ELAVL2: variants seen among roughly 807,000 people sequenced by gnomAD.
ELAVL2 encodes ELAV like RNA binding protein 2, also known as ELAV-like protein 2.
In ELAVL2, 4 loss-of-function variants were observed where a neutral mutation model predicts 34.6. The observed-to-expected ratio is 0.12, with a 90% CI of 0.06 to 0.26. The LOEUF is 0.26. Among genes scored for constraint, ELAVL2 ranks in the 10% least tolerant of loss-of-function variants. The probability of loss-of-function intolerance (pLI) is 1.00; values close to 1 mark genes in which losing one functional copy is unlikely to be tolerated. For missense variants in ELAVL2, 432 were observed against 442.8 expected (o/e 0.98, Z 0.22); for synonymous variants, 193 against 154.8 (o/e 1.25, Z -1.83).
chr9:23,845,930 T>C, the ELAVL2 span, among the ~76,000 whole-genome samples: 1 of 151,872 alleles, frequency 6.6e-6, no homozygotes, highest in African/African-American at 2.4e-5. Context: ...ATTGAGCAGT[T>C]TTCTGTTGAA....
intron 2 of ELAVL2, among the ~76,000 whole-genome samples, chr9:23,738,165 C>A (rs556615357): frequency 6.6e-6 from 1 of 152,334 alleles, no homozygotes; most frequent in East Asian, 1.9e-4. Context: ...TCGCACCAGA[C>A]TTCACAAAGG....
rs2033285497 is a variant in ELAVL2, at chr9:23,691,858, AC to A, written c.*698del. The A allele has an allele frequency of 6.6e-6, 1 of 152,538 alleles. No individual in the cohort carries two copies. Among genetic ancestry groups the A allele is most frequent in the African/African-American group, 2.4e-5 (1 of 41,416 alleles). The allele number at this position is 152,538 out of a possible 1,614,324, so 9.4% of individuals were successfully genotyped here. A position where few individuals can be genotyped will look rare whatever the true frequency, so the allele number is the denominator to read the frequency against. ...TTCAAGTCAAAATATTTGTTCCAGG[AC>A]CAGTAAAAAGTTTCTCCAAATTTTC... On this transcript the variant is annotated 3_prime_UTR_variant, in exon 7 of 7. Transcript: ENST00000397312.
chr9:23,783,381 C>G, intron 1 of ELAVL2: 1 of 943,490 alleles, frequency 1.1e-6, no homozygotes, highest in Non-Finnish European at 1.3e-6. Flanking sequence ...CAAGGAAAAC[C>G]GAAAGTTAAA....
chr9:23,785,735 A>G (rs1263522932), intron 1 of ELAVL2, among the ~76,000 whole-genome samples: 1 of 152,192 alleles, frequency 6.6e-6, no homozygotes, highest in Non-Finnish European at 1.5e-5. Context: ...GTAAACAGGT[A>G]TTTCCAAAGC....
chr9:23,701,174 T>C (rs2037070891), intron 5 of ELAVL2, among the ~76,000 whole-genome samples: 1 of 152,192 alleles, frequency 6.6e-6, no homozygotes, highest in South Asian at 2.1e-4. Context: ...TTACTGTCCT[T>C]TGGTCCCCAC....
At position 23,691,407 on chromosome 9, in the gene ELAVL2, T is replaced by A. The variant is rs937590164; in HGVS notation, c.*1150A>T. The stretch of plus-strand genomic sequence containing the variant: ...TGCTGATTTGCTGCAGTACAAATCA[T>A]GTGCAACGTCTTTTTTCCTTAAGAC... On this transcript the variant is annotated 3_prime_UTR_variant, in exon 7 of 7. Coordinates refer to ENST00000397312, the MANE Select transcript of ELAVL2 (RefSeq NM_004432.5). 2 of 152,576 alleles carry A rather than the reference T, an allele frequency of 1.3e-5. No individual in the cohort carries two copies. The highest frequency in any genetic ancestry group is 2.9e-5 in the Non-Finnish European group (2 of 68,004). The allele number at this position is 152,576 out of a possible 1,614,324, so 9.5% of individuals were successfully genotyped here.
the ELAVL2 span, among the ~76,000 whole-genome samples, chr9:23,840,993 A>G: frequency 6.6e-6 from 1 of 152,168 alleles, no homozygotes; most frequent in Non-Finnish European, 1.5e-5. Flanking sequence ...ATGATTGTCT[A>G]ACAGAAACAC....
In ELAVL2 at chr9:23,705,007, G is replaced by A. The variant is rs778744173; in HGVS notation, c.398C>T (p.Pro133Leu). The change falls in exon 4 of 7, where the codon CCA (proline) becomes CTA (leucine). Residue 133 changes from proline to leucine, a missense_variant. By Grantham distance (98) the Pro-to-Leu change is moderately conservative (BLOSUM62 -3). Coordinates refer to ENST00000397312, the MANE Select transcript of ELAVL2 (RefSeq NM_004432.5). Reference sequence around the variant, plus strand: ...CAACTCCTTCTGGGTCATTGTTTTTGGAAGTCCGCTGACATATAAATTTGC... The same window carrying A: ...CAACTCCTTCTGGGTCATTGTTTTTAGAAGTCCGCTGACATATAAATTTGC... ...RDANLYVSGLPKTMTQKELEQ... is the reference protein window; with the variant it reads ...RDANLYVSGLLKTMTQKELEQ... 3 of 1,613,966 alleles carry A rather than the reference G, an allele frequency of 1.9e-6. No homozygotes were observed. Among genetic ancestry groups the A allele is most frequent in the African/African-American group, 1.3e-5 (1 of 74,904 alleles).
rs569610963 is a variant in ELAVL2 at position 23,812,371 on chromosome 9, A to G, written c.-16+13435T>C. Among the ~76,000 whole-genome samples, 6 of 152,290 alleles carry G rather than the reference A, an allele frequency of 3.9e-5. No individual in the cohort carries two copies. In the South Asian group the frequency reaches 1.2e-3, roughly 32 times the overall value. On this transcript the variant is annotated intron_variant, in intron 1 of 6. Transcript: ENST00000397312. ...ATTAGATTAATTTGGAAAAGCCCTAAGCTTCAAGTTAACTAGCAGCCCACA... is the reference window on the plus strand; with the variant it reads ...ATTAGATTAATTTGGAAAAGCCCTAGGCTTCAAGTTAACTAGCAGCCCACA...
rs1204163342 is a variant in ELAVL2 at position 23,800,907 on chromosome 9, T to C, written c.-16+24899A>G. Among the ~76,000 whole-genome samples, 10 of 152,204 alleles carry C rather than the reference T, an allele frequency of 6.6e-5. No homozygotes were observed. The East Asian group carries it at 1.6e-3, about 24-fold the overall frequency. On this transcript the variant is annotated intron_variant, in intron 1 of 6. Transcript: ENST00000397312. ...CATTAAACAGAAGCCACAGGAAAAC[T>C]GGCATTAACATTTCCTTCCTGCTTG...
chr9:23,819,874 C>A (rs2064285594), intron 1 of ELAVL2, among the ~76,000 whole-genome samples: 1 of 152,162 alleles, frequency 6.6e-6, no homozygotes. Context: ...TTTCTCTCCC[C>A]ATAGTTTGCA....
rs531690541 is a variant in ELAVL2, at chr9:23,744,299, G to C, written c.230-13174C>G. On this transcript the variant is annotated intron_variant, in intron 2 of 6. Coordinates refer to ENST00000397312, the MANE Select transcript of ELAVL2 (RefSeq NM_004432.5). ...ATGTAGAATGCCATACAAAATGTTA[G>C]GTATTCAATTACAAGTACACCACTC... 1.2e-4 allele frequency among the ~76,000 whole-genome samples: 19 copies of C among 152,200 alleles called. No individual in the cohort carries two copies. The South Asian group carries it at 3.9e-3, about 32-fold the overall frequency.
At chr9:23,741,783 C>T (rs954445017) in intron 2 of ELAVL2, among the ~76,000 whole-genome samples, 2 of 149,686 alleles carry the variant, frequency 1.3e-5, no homozygotes, top group Non-Finnish European at 3.0e-5. Context: ...TACCTTTCTC[C>T]CTTTGAAAGC....
chr9:23,747,647 A>G (rs2050832469), intron 2 of ELAVL2, among the ~76,000 whole-genome samples: 1 of 152,176 alleles, frequency 6.6e-6, no homozygotes, highest in African/African-American at 2.4e-5. Flanking sequence ...TACAAACATG[A>G]GTGCAAAGTA....
At chr9:23,786,000 G>A (rs1387876524) in intron 1 of ELAVL2, among the ~76,000 whole-genome samples, 3 of 151,996 alleles carry the variant, frequency 2.0e-5, no homozygotes, top group African/African-American at 7.2e-5. Context: ...CAGCCTGACT[G>A]GTCTTCACTG....
At chr9:23,802,960 TAACA>T (rs962145868) in intron 1 of ELAVL2, among the ~76,000 whole-genome samples, 8 of 151,982 alleles carry the variant, frequency 5.3e-5, no homozygotes, top group Non-Finnish European at 1.0e-4. Flanking sequence ...TTTATACACA[TAACA>T]AACAAAAGGT....
At chr9:23,796,080 T>C (rs1412130874) in intron 1 of ELAVL2, among the ~76,000 whole-genome samples, 1 of 152,222 alleles carries the variant, frequency 6.6e-6, no homozygotes, top group East Asian at 1.9e-4. Flanking sequence ...GAAACAAAAA[T>C]TTGAACAGTA....
intron 3 of ELAVL2, among the ~76,000 whole-genome samples, chr9:23,710,142 T>C (rs1173478336): frequency 6.6e-6 from 1 of 152,190 alleles, no homozygotes; most frequent in Non-Finnish European, 1.5e-5. Context: ...AATTATGTCT[T>C]GAAAATGGAA....
intron 2 of ELAVL2, among the ~76,000 whole-genome samples, chr9:23,738,228 A>C (rs1447464439): frequency 2.6e-5 from 4 of 152,242 alleles, no homozygotes; most frequent in Non-Finnish European, 4.4e-5. Flanking sequence ...TGGGTACCAC[A>C]CAGCAGGGAA....
Sources: gnomAD v4.1 joint callset for allele counts (sites outside exome capture counted in the v4.1 genomes callset) on GRCh38, gnomAD v4.1.1 for gene constraint, MANE v1.5 for transcripts, NCBI Gene and HGNC (gene_info 2026-07-23, HGNC 2026-07-21) for gene names.